Variants in ABCB11 observed in about 807,000 individuals in gnomAD.
ABCB11 encodes the protein bile salt export pump.
ABCB11 carries 95 observed loss-of-function variants against 148.0 expected under a neutral mutation model. The ratio of observed to expected loss-of-function variants is 0.64; its 90% CI spans 0.54 to 0.76. The LOEUF is 0.76. Among genes scored for constraint, ABCB11 ranks in the 30% least tolerant of loss-of-function variants. The pLI is 0.00. For synonymous variants in ABCB11, 591 were observed against 555.4 expected (o/e 1.06, Z -0.90); for missense variants, 1,523 against 1,617.8 (o/e 0.94, Z 1.01).
chr2:168,965,391 T>C (rs1693260882), intron 17 of ABCB11, among the ~76,000 whole-genome samples: 1 of 151,780 alleles, frequency 6.6e-6, no homozygotes, highest in Non-Finnish European at 1.5e-5. Flanking sequence ...GACAATTATG[T>C]TGAGACCTTC....
rs1573968177 is a variant in ABCB11, at chr2:169,005,386, A to T, written c.389+7886T>A. Among the ~76,000 whole-genome samples the T allele has an allele frequency of 5.3e-5, 8 of 151,774 alleles. No homozygotes were observed. The South Asian group carries it at 1.5e-3, about 28-fold the overall frequency. On this transcript the variant is annotated intron_variant, in intron 5 of 27. Transcript: ENST00000650372. The stretch of plus-strand genomic sequence containing the variant: ...GGGCTTGCTGCAGCTGCTGTGGGGG[A>T]TGGGGGTGTGGTTCTCAGTCCAATG...
At chr2:168,998,558 C>T (rs547462797) in intron 5 of ABCB11, among the ~76,000 whole-genome samples, 19 of 152,004 alleles carry the variant, frequency 1.2e-4, no homozygotes, top group Non-Finnish European at 2.5e-4. Flanking sequence ...ACACTATATC[C>T]CATAAATATG....
intron 17 of ABCB11, among the ~76,000 whole-genome samples, chr2:168,965,006 C>T (rs965137999): frequency 6.6e-6 from 1 of 151,668 alleles, no homozygotes; most frequent in African/African-American, 2.4e-5. Context: ...ATAGAAGAGG[C>T]CTGTACCACA....
At chr2:168,960,785 G>A (rs529801372) in intron 18 of ABCB11, among the ~76,000 whole-genome samples, 1 of 151,614 alleles carries the variant, frequency 6.6e-6, no homozygotes, top group Non-Finnish European at 1.5e-5. Flanking sequence ...AGGAATAAAA[G>A]AAAACAATAC....
chr2:169,026,495 A>G (rs565196860), intron 1 of ABCB11, among the ~76,000 whole-genome samples: 2 of 152,348 alleles, frequency 1.3e-5, no homozygotes, highest in South Asian at 4.1e-4. Flanking sequence ...CCACAAAAAC[A>G]CTGGGAATTT....
At chr2:168,977,427 A>G (rs1693956595) in intron 11 of ABCB11, among the ~76,000 whole-genome samples, 1 of 152,118 alleles carries the variant, frequency 6.6e-6, no homozygotes, top group South Asian at 2.1e-4. Flanking sequence ...TTCAAATGCT[A>G]CCAACTTTCA....
At chr2:169,023,649 C>T (rs1461190091) in intron 1 of ABCB11, among the ~76,000 whole-genome samples, 1 of 152,170 alleles carries the variant, frequency 6.6e-6, no homozygotes, top group African/African-American at 2.4e-5. Context: ...GACAAAGTTT[C>T]AGAATGATAC....
At chr2:168,930,079 T>C (rs189701724) in intron 25 of ABCB11, among the ~76,000 whole-genome samples, 114 of 152,220 alleles carry the variant, frequency 7.5e-4, no homozygotes, top group African/African-American at 2.3e-3. Flanking sequence ...CTGCATATAT[T>C]ACTTTTAAAG....
In ABCB11 at chr2:168,973,669, C is replaced by G. The variant is rs538594013; in HGVS notation, c.1434+46G>C. ...TGTTTGATCAATATACTGCCATTTG[C>G]ACTTTACTGTCCCCATGTATTGAGG... On this transcript the variant is annotated intron_variant, in intron 13 of 27. Transcript: ENST00000650372. 1.3e-5 allele frequency: 21 copies of G among 1,601,516 alleles called. No individual in the cohort carries two copies. The Admixed American group carries it at 2.9e-4, about 22-fold the overall frequency.
intron 1 of ABCB11, among the ~76,000 whole-genome samples, chr2:169,019,910 G>T (rs1695487643): frequency 6.6e-6 from 1 of 152,144 alleles, no homozygotes; most frequent in Non-Finnish European, 1.5e-5. Flanking sequence ...AAGTCAGAGG[G>T]TTTACACTTA....
rs11568379 is a variant in ABCB11, at chr2:168,936,458, C to T, written c.2611-25G>A. The stretch of plus-strand genomic sequence containing the variant: ...CCTGCAAACCAAAAAGCAATCAACC[C>T]GTCTCAGACACACAGTCGCTTTTAC... On this transcript the variant is annotated intron_variant, in intron 21 of 27. Transcript: ENST00000650372. 2.8e-3 allele frequency: 4,550 copies of T among 1,610,760 alleles called. 88 individuals carry two copies. In the Admixed American group the frequency reaches 0.042, roughly 15 times the overall value.
Position 168,922,684 on chromosome 2 carries a change from C to T in ABCB11, c.*938G>A, listed in dbSNP as rs750077777. 3.9e-4 allele frequency among the ~76,000 whole-genome samples: 59 copies of T among 152,078 alleles called. No homozygotes were observed. The highest frequency in any genetic ancestry group is 3.8e-4 in the Non-Finnish European group (26 of 68,034). On this transcript the variant is annotated 3_prime_UTR_variant, in exon 28 of 28. Transcript: ENST00000650372. Reference sequence around the variant, plus strand: ...TTTCTTCATTCTTGTAGATTCCTGCCGCCTTTAGTTCTATGTCATTCTGTG... The same window carrying T: ...TTTCTTCATTCTTGTAGATTCCTGCTGCCTTTAGTTCTATGTCATTCTGTG...
At chr2:168,966,408 C>T (rs1241668614) in intron 17 of ABCB11, among the ~76,000 whole-genome samples, 1 of 151,778 alleles carries the variant, frequency 6.6e-6, no homozygotes, top group African/African-American at 2.4e-5. Flanking sequence ...CCAGATCATT[C>T]GAGCTGTCTA....
At chr2:168,964,393 T>C in intron 17 of ABCB11, 85 bp from the exon 18 acceptor site, 3 of 1,088,698 alleles carry the variant, frequency 2.8e-6, no homozygotes, top group Non-Finnish European at 2.7e-6. Flanking sequence ...ACATTTCATA[T>C]GTCAAATAAA....
At chr2:168,945,488 T>C (rs575886587) in intron 19 of ABCB11, among the ~76,000 whole-genome samples, 58 of 150,610 alleles carry the variant, frequency 3.9e-4, no homozygotes, top group Non-Finnish European at 5.9e-4. Context: ...TCAACACAGA[T>C]GAAAAGGATG....
intron 21 of ABCB11, among the ~76,000 whole-genome samples, chr2:168,940,251 C>T (rs753792434): frequency 6.6e-6 from 1 of 151,674 alleles, no homozygotes; most frequent in Non-Finnish European, 1.5e-5. Context: ...CTCATTTAGT[C>T]CTGAGATAGG....
At chr2:168,980,021 T>C in intron 10 of ABCB11, 42 bp from the exon 11 acceptor site, 3 of 1,210,412 alleles carry the variant, frequency 2.5e-6, no homozygotes, top group Non-Finnish European at 3.7e-6. Flanking sequence ...TTTTTGTTAA[T>C]GTGTAAATAG....
rs1229798093 is a variant in ABCB11, at chr2:168,944,712, C to T, written c.2503G>A (p.Gly835Ser). 1.9e-6 allele frequency: 3 copies of T among 1,612,844 alleles called. No homozygotes were observed. In the South Asian group the frequency reaches 3.3e-5, roughly 18 times the overall value. ...TCTTGCCCCAGCATTGCCCTGAAAC[C>T]AAATTTACGTAGCCTTTTTGTTAGG... ...ELLTKRLRKFGFRAMLGQDIA... is the reference protein window; with the variant it reads ...ELLTKRLRKFSFRAMLGQDIA... Residue 835 changes from glycine (G) to serine (S), a missense_variant, in exon 21 of 28, where the codon GGT (glycine) becomes AGT (serine). Transcript: ENST00000650372.
chr2:168,972,999 T>C (rs1480964329), intron 13 of ABCB11, among the ~76,000 whole-genome samples: 4 of 152,018 alleles, frequency 2.6e-5, no homozygotes, highest in East Asian at 1.9e-4. Context: ...ACACATAATA[T>C]GTGATAAATA....
Sources: gnomAD v4.1 joint callset for allele counts (sites outside exome capture counted in the v4.1 genomes callset) on GRCh38, gnomAD v4.1.1 for gene constraint, MANE v1.5 for transcripts, NCBI Gene and HGNC (gene_info 2026-07-23, HGNC 2026-07-21) for gene names.